Variants in PDE4B observed in about 807,000 individuals in gnomAD.
PDE4B encodes the protein phosphodiesterase 4B.
PDE4B carries 20 observed loss-of-function variants against 82.2 expected under a neutral mutation model. That is an observed-to-expected ratio of 0.24 (90% CI 0.17 to 0.35). PDE4B has a LOEUF of 0.35. PDE4B is among the 10% of genes least tolerant of loss of function. PDE4B has a pLI of 1.00. For missense variants in PDE4B, 655 were observed against 907.2 expected, an observed-to-expected ratio of 0.72 and a Z score of 3.57; for synonymous variants, 320 against 318.9, an observed-to-expected ratio of 1.00 and a Z score of -0.04.
chr1:65,857,332 A>C (rs2100238994), intron 1 of PDE4B, among the ~76,000 whole-genome samples: 1 of 152,308 alleles, frequency 6.6e-6, no homozygotes, highest in African/African-American at 2.4e-5. Context: ...CAGGCATAGT[A>C]GTGCCCTTGA....
chr1:65,880,700 A>G (rs1477112186), intron 1 of PDE4B, among the ~76,000 whole-genome samples: 1 of 152,200 alleles, frequency 6.6e-6, no homozygotes. Flanking sequence ...TGGACGTGCC[A>G]GCCTTCAGAA....
At chr1:65,929,916 C>G (rs565027378) in intron 3 of PDE4B, among the ~76,000 whole-genome samples, 25 of 152,146 alleles carry the variant, frequency 1.6e-4, no homozygotes, top group Non-Finnish European at 2.9e-4. Flanking sequence ...TCCAGAAACT[C>G]CCAAACTAAT....
chr1:66,283,163 C>G (rs1427947258), intron 7 of PDE4B, among the ~76,000 whole-genome samples: 1 of 152,042 alleles, frequency 6.6e-6, no homozygotes, highest in Non-Finnish European at 1.5e-5. Context: ...GATCCCAGTT[C>G]TACTATTTTT....
chr1:66,023,088 C>T (rs772129718), intron 3 of PDE4B, among the ~76,000 whole-genome samples: 2 of 152,096 alleles, frequency 1.3e-5, no homozygotes, highest in Non-Finnish European at 2.9e-5. Flanking sequence ...CTGTTGGTAC[C>T]TTGGAGAGCT....
intron 1 of PDE4B, among the ~76,000 whole-genome samples, chr1:65,857,003 A>G (rs890304549): frequency 5.3e-5 from 8 of 152,116 alleles, no homozygotes; most frequent in East Asian, 3.9e-4. Flanking sequence ...GGTACAATTG[A>G]AATTCTGTCA....
intron 3 of PDE4B, among the ~76,000 whole-genome samples, chr1:66,194,824 G>A (rs992071492): frequency 1.9e-4 from 29 of 151,788 alleles, no homozygotes; most frequent in Non-Finnish European, 4.3e-4. Context: ...GTATCTCTAG[G>A]GCCTTCCCCA....
chr1:65,989,726 T>A (rs1387708916), intron 3 of PDE4B, among the ~76,000 whole-genome samples: 1 of 152,144 alleles, frequency 6.6e-6, no homozygotes, highest in East Asian at 1.9e-4. Flanking sequence ...AGATTCTATT[T>A]GCCTTTTCTC....
intron 1 of PDE4B, among the ~76,000 whole-genome samples, chr1:65,879,390 G>A (rs1646685398): frequency 6.6e-6 from 1 of 152,068 alleles, no homozygotes; most frequent in Admixed American, 6.6e-5. Flanking sequence ...CTCCTGCTAA[G>A]TAATTGTGAC....
chr1:66,281,484 A>G (rs1314919431), intron 7 of PDE4B, among the ~76,000 whole-genome samples: 1 of 152,212 alleles, frequency 6.6e-6, no homozygotes, highest in Non-Finnish European at 1.5e-5. Flanking sequence ...TTCCCTTGCT[A>G]GAAGATCACT....
intron 7 of PDE4B, among the ~76,000 whole-genome samples, chr1:66,328,360 C>G (rs1213091564): frequency 1.3e-5 from 2 of 152,156 alleles, no homozygotes; most frequent in Admixed American, 1.3e-4. Flanking sequence ...ATGACCTACT[C>G]TTACTGCCTC....
chr1:65,973,045 A>C (rs2100631273), intron 3 of PDE4B, among the ~76,000 whole-genome samples: 1 of 152,176 alleles, frequency 6.6e-6, no homozygotes, highest in South Asian at 2.1e-4. Flanking sequence ...TTTCAGAAAA[A>C]CCCAGGGCTA....
intron 3 of PDE4B, among the ~76,000 whole-genome samples, chr1:65,995,585 C>T (rs1299012310): frequency 6.6e-6 from 1 of 152,094 alleles, no homozygotes; most frequent in Admixed American, 6.6e-5. Flanking sequence ...ATAAACTTTT[C>T]TTTCTTGAGT....
At chr1:66,174,755 GCAACAACAACAA>G (rs143629032) in intron 3 of PDE4B, among the ~76,000 whole-genome samples, 130 of 149,202 alleles carry the variant, frequency 8.7e-4, no homozygotes, top group Non-Finnish European at 1.2e-3. Flanking sequence ...CTCAAAAAAA[GCAACAACAACAA>G]CAACAACAAC....
chr1:66,282,394 C>T (rs1656364034), intron 7 of PDE4B, among the ~76,000 whole-genome samples: 1 of 152,126 alleles, frequency 6.6e-6, no homozygotes, highest in African/African-American at 2.4e-5. Flanking sequence ...CTGTGGGAGA[C>T]ATATCTCCAG....
At chr1:66,276,241 C>T (rs1457995442) in intron 7 of PDE4B, among the ~76,000 whole-genome samples, 2 of 152,210 alleles carry the variant, frequency 1.3e-5, no homozygotes, top group Non-Finnish European at 2.9e-5. Flanking sequence ...ATTCTCCAAA[C>T]TAAACTTCTT....
At chr1:65,830,415 C>G (rs568429173) in intron 1 of PDE4B, among the ~76,000 whole-genome samples, 1 of 152,036 alleles carries the variant, frequency 6.6e-6, no homozygotes, top group African/African-American at 2.4e-5. Flanking sequence ...GAAATAAAGT[C>G]GCTTCACAGT....
chr1:65,796,391 C>T (rs1259989845), intron 1 of PDE4B, among the ~76,000 whole-genome samples: 3 of 145,318 alleles, frequency 2.1e-5, no homozygotes, highest in African/African-American at 7.9e-5. Context: ...CTACAAGACC[C>T]CGAGGCTTGG....
chr1:66,150,791 C>G (rs1405196565), intron 3 of PDE4B, among the ~76,000 whole-genome samples: 1 of 152,136 alleles, frequency 6.6e-6, no homozygotes, highest in African/African-American at 2.4e-5. Flanking sequence ...TTGAAATAAT[C>G]ATGTGGCTTT....
At chr1:66,075,803 A>G (rs1378650108) in intron 3 of PDE4B, among the ~76,000 whole-genome samples, 2 of 152,028 alleles carry the variant, frequency 1.3e-5, no homozygotes, top group African/African-American at 2.4e-5. Flanking sequence ...GTTCTTTCCA[A>G]TTTTTAGGTT....
Sources: gnomAD v4.1 joint callset for allele counts (sites outside exome capture counted in the v4.1 genomes callset) on GRCh38, gnomAD v4.1.1 for gene constraint, MANE v1.5 for transcripts, NCBI Gene and HGNC (gene_info 2026-07-23, HGNC 2026-07-21) for gene names.